The following PHF21A variants were observed in gnomAD, a reference collection of about 807,000 sequenced individuals.
PHF21A encodes PHD finger protein 21A.
Under a neutral mutation model 82.5 loss-of-function variants are expected in PHF21A, and 11 were observed. The observed-to-expected ratio is 0.13, with a 90% confidence interval of 0.08 to 0.22. The LOEUF is 0.22. PHF21A is among the 10% of genes least tolerant of loss of function. The pLI is 1.00. For missense variants in PHF21A, 579 were observed against 837.8 expected (o/e 0.69, Z 3.81); for synonymous variants, 297 against 302.8 (o/e 0.98, Z 0.20).
chr11:46,070,922 G>A (rs968796984), intron 6 of PHF21A, among the ~76,000 whole-genome samples: 1 of 152,122 alleles, frequency 6.6e-6, no homozygotes, highest in Admixed American at 6.5e-5. Flanking sequence ...ATCTCATGGG[G>A]AAAATCACTT....
intron 6 of PHF21A, among the ~76,000 whole-genome samples, chr11:46,032,553 T>C (rs568289589): frequency 6.6e-6 from 1 of 152,328 alleles, no homozygotes; most frequent in East Asian, 1.9e-4. Flanking sequence ...TATTCACTTA[T>C]CTGAATCCTT....
chr11:46,091,342 A>G lies in PHF21A; in HGVS notation c.-195-776T>C, dbSNP rs1032093409. Among the ~76,000 whole-genome samples the G allele has an allele frequency of 2.6e-5, 4 of 152,186 alleles. No individual in the cohort carries two copies. In the South Asian group the frequency reaches 6.2e-4, roughly 24 times the overall value. On this transcript the variant is annotated intron_variant, in intron 2 of 18. Transcript: ENST00000676320. ...AATACACACTCTCCTAATAAAGTTA[A>G]TATTTGTTTGATGGCTAGTCACTAG...
intron 1 of PHF21A, among the ~76,000 whole-genome samples, chr11:46,103,461 G>A (rs950860562): frequency 5.9e-5 from 9 of 151,968 alleles, no homozygotes; most frequent in Non-Finnish European, 7.4e-5. Flanking sequence ...AATATTTGTC[G>A]AGCCAAAGTA....
chr11:46,100,015 C>T (rs1463404042), intron 1 of PHF21A, among the ~76,000 whole-genome samples: 1 of 152,168 alleles, frequency 6.6e-6, no homozygotes, highest in African/African-American at 2.4e-5. Flanking sequence ...TTTATCAGTA[C>T]TTTGAAATGT....
intron 6 of PHF21A, among the ~76,000 whole-genome samples, chr11:45,997,072 T>A (rs1209250869): frequency 3.3e-5 from 5 of 152,234 alleles, no homozygotes; most frequent in African/African-American, 1.2e-4. Context: ...AATCTTGGTT[T>A]TGAAAATTAA....
At chr11:45,979,631 A>G (rs1392697736) in intron 7 of PHF21A, 129 bp downstream of exon 7, 3 of 1,314,814 alleles carry the variant, frequency 2.3e-6, no homozygotes, top group Non-Finnish European at 3.2e-6. Flanking sequence ...ACTGTAAAAA[A>G]GCAATCAAAA....
At chr11:45,971,905 T>TTTTTA (rs1452859819) in intron 7 of PHF21A, among the ~76,000 whole-genome samples, 10 of 89,948 alleles carry the variant, frequency 1.1e-4, no homozygotes, top group East Asian at 7.5e-4. Flanking sequence ...TTTTTTTTTT[T>TTTTTA]ATGGTGTCAC....
At position 46,015,010 on chromosome 11, in the gene PHF21A, A is replaced by T. The variant is rs1015348896; in HGVS notation, c.154-35044T>A. Among the ~76,000 whole-genome samples the T allele has an allele frequency of 7.1e-4, 33 of 46,334 alleles. 8 individuals carry two copies. The highest frequency in any genetic ancestry group is 8.3e-3 in the East Asian group (2 of 242). 30.4% of individuals were successfully genotyped at this position (46,334 alleles called of 152,430 possible). On this transcript the variant is annotated intron_variant, in intron 6 of 18. Transcript: ENST00000676320. ...AAAAAAAAAATAAAAATAAAAAAAT[A>T]AAAAAAAATAAAAAAATAAAAAATA... is the stretch of plus-strand genomic sequence containing the variant.
intron 6 of PHF21A, among the ~76,000 whole-genome samples, chr11:46,011,186 G>T (rs901309063): frequency 6.6e-6 from 1 of 152,076 alleles, no homozygotes; most frequent in Non-Finnish European, 1.5e-5. Flanking sequence ...TAGTGGTAGG[G>T]TGTATAAAAG....
intron 1 of PHF21A, among the ~76,000 whole-genome samples, chr11:46,112,196 C>T (rs2097222180): frequency 6.6e-6 from 1 of 152,186 alleles, no homozygotes; most frequent in African/African-American, 2.4e-5. Flanking sequence ...GGTGCAAGGA[C>T]ATTTTACACA....
chr11:46,073,758 G>GTTATATATGTTTATGA (rs2096685580), intron 6 of PHF21A, among the ~76,000 whole-genome samples: 1 of 152,076 alleles, frequency 6.6e-6, no homozygotes, highest in Non-Finnish European at 1.5e-5. Context: ...GATCTTAATG[G>GTTATATATGTTTATGA]CTATATAACA....
intron 6 of PHF21A, among the ~76,000 whole-genome samples, chr11:45,993,210 TTC>T (rs2094778166): frequency 6.6e-6 from 1 of 152,216 alleles, no homozygotes. Flanking sequence ...GAATCTTACT[TTC>T]TGAGTAGACC....
chr11:46,113,254 T>A (rs1188616480), intron 1 of PHF21A, among the ~76,000 whole-genome samples: 2 of 152,222 alleles, frequency 1.3e-5, no homozygotes, highest in Non-Finnish European at 2.9e-5. Context: ...GTCTGAACTA[T>A]CTAGCACAAT....
rs1176245783 is a variant in PHF21A at position 45,932,757 on chromosome 11, C to CA, written c.*1210dup. 6.6e-6 allele frequency: 1 copy of CA among 152,270 alleles called. No homozygotes were observed. Among genetic ancestry groups the CA allele is most frequent in the Non-Finnish European group, 1.5e-5 (1 of 67,950 alleles). The allele number at this position is 152,270 out of a possible 1,614,324, so 9.4% of individuals were successfully genotyped here. A position where few individuals can be genotyped will look rare whatever the true frequency, so the allele number is the denominator to read the frequency against. ...CCAGATACAAAGATTTTTGCCCTTGCATAAAAAAACAGTGCCCGAACGATG... is the reference window on the plus strand; with the variant it reads ...CCAGATACAAAGATTTTTGCCCTTGCAATAAAAAAACAGTGCCCGAACGATG... On this transcript the variant is annotated 3_prime_UTR_variant, in exon 19 of 19. Transcript: ENST00000676320. This position sits in a 1 kb window ranked among gnomAD's most constrained non-coding sequence, Gnocchi z 4.3.
intron 1 of PHF21A, among the ~76,000 whole-genome samples, chr11:46,108,567 G>GTA (rs146891624): frequency 2.9e-3 from 181 of 62,228 alleles, no homozygotes; most frequent in South Asian, 0.018. Flanking sequence ...GTGTGTGTGT[G>GTA]TATATATATA....
At chr11:45,985,742 T>A (rs1591611768) in intron 6 of PHF21A, among the ~76,000 whole-genome samples, 1 of 152,184 alleles carries the variant, frequency 6.6e-6, no homozygotes. Flanking sequence ...AAAGTACATA[T>A]CCTTTTAAAA....
intron 1 of PHF21A, among the ~76,000 whole-genome samples, chr11:46,104,754 G>A (rs995740406): frequency 6.6e-6 from 1 of 152,160 alleles, no homozygotes; most frequent in Non-Finnish European, 1.5e-5. Flanking sequence ...TAGGAGGCTG[G>A]TATTACCATC....
At chr11:46,034,223 C>CA (rs1183471942) in intron 6 of PHF21A, among the ~76,000 whole-genome samples, 3 of 149,906 alleles carry the variant, frequency 2.0e-5, no homozygotes, top group Admixed American at 1.3e-4. Flanking sequence ...GTGCCCCCAC[C>CA]CCCCCCTTGC....
chr11:46,073,584 AAT>A (rs1303285126), intron 6 of PHF21A, among the ~76,000 whole-genome samples: 4 of 152,220 alleles, frequency 2.6e-5, no homozygotes. Context: ...ACCACCTTCC[AAT>A]ATTTTATACT....
Sources: gnomAD v4.1 joint callset for allele counts (sites outside exome capture counted in the v4.1 genomes callset) on GRCh38, gnomAD v4.1.1 for gene constraint, Gnocchi (gnomAD v3.1) non-coding constraint, MANE v1.5 for transcripts, NCBI Gene and HGNC (gene_info 2026-07-23, HGNC 2026-07-21) for gene names.